Variants in RBFOX1 observed in about 807,000 individuals in gnomAD.
RBFOX1 encodes the protein RNA binding fox-1 homolog 1.
Under a neutral mutation model 57.7 loss-of-function variants are expected in RBFOX1, and 8 were observed. The observed-to-expected ratio is 0.14, with a 90% CI of 0.08 to 0.25. The LOEUF (loss-of-function observed/expected upper bound fraction) is 0.25, where lower values mean the gene tolerates loss of function less well. RBFOX1 is among the 10% of genes least tolerant of loss of function. The pLI is 1.00. For missense variants in RBFOX1, 611 were observed against 548.5 expected (o/e 1.11, Z -1.14); for synonymous variants, 326 against 222.4 (o/e 1.47, Z -4.15).
At chr16:6,021,083 C>G (rs1261846911) in intron 1 of RBFOX1, among the ~76,000 whole-genome samples, 1 of 152,220 alleles carries the variant, frequency 6.6e-6, no homozygotes. Context: ...GGGCAATTGG[C>G]ACCCCAAAGG....
chr16:6,984,631 CCTT>C (rs2089811516), intron 3 of RBFOX1, among the ~76,000 whole-genome samples: 1 of 152,058 alleles, frequency 6.6e-6, no homozygotes, highest in Admixed American at 6.6e-5. Flanking sequence ...TTACCACATG[CCTT>C]CTTTACTTAA....
chr16:7,173,294 A>G (rs2081057115), intron 4 of RBFOX1, among the ~76,000 whole-genome samples: 1 of 152,174 alleles, frequency 6.6e-6, no homozygotes, highest in Non-Finnish European at 1.5e-5. Flanking sequence ...GCATTTAGAA[A>G]CCATAATTTG....
intron 5 of RBFOX1, among the ~76,000 whole-genome samples, chr16:7,550,950 C>T (rs1221913175): frequency 7.3e-5 from 11 of 151,670 alleles, no homozygotes; most frequent in East Asian, 5.8e-4. Flanking sequence ...AAAAATTAGC[C>T]GGGCATGGTG....
intron 2 of RBFOX1, among the ~76,000 whole-genome samples, chr16:5,492,187 G>C (rs2042857702): frequency 1.3e-5 from 2 of 152,160 alleles, no homozygotes; most frequent in South Asian, 2.1e-4. Context: ...TAAGAACCCT[G>C]AACTACCTAC....
intron 3 of RBFOX1, among the ~76,000 whole-genome samples, chr16:5,641,861 G>C (rs1395365864): frequency 1.3e-5 from 2 of 152,298 alleles, no homozygotes; most frequent in Non-Finnish European, 2.9e-5. Flanking sequence ...GGGGCCATTT[G>C]AGTGGGGTTT....
rs753003961 is a variant in RBFOX1 at position 7,653,912 on chromosome 16, C to A, written c.855C>A (p.Ala285=). 8.9e-6 allele frequency: 14 copies of A among 1,575,706 alleles called. No individual in the cohort carries two copies. The highest frequency in any genetic ancestry group is 1.1e-5 in the Non-Finnish European group (13 of 1,167,146). Residue 285 remains alanine (A), a synonymous_variant, in exon 12 of 16, where the codon GCC becomes GCA. Coordinates refer to ENST00000550418, the MANE Select transcript of RBFOX1 (RefSeq NM_018723.4). ...GCACCGTGTACAACACCTTCAGGGC[C>A]GCGGCGCCCCCGCCCCCGATCCCGG... ...RGRTVYNTFR[A]AAPPPPIPAY...
chr16:5,518,148 C>G (rs947065426), intron 2 of RBFOX1, among the ~76,000 whole-genome samples: 1 of 152,152 alleles, frequency 6.6e-6, no homozygotes, highest in Non-Finnish European at 1.5e-5. Context: ...TAAATGCAAA[C>G]AGACCTAAAA....
At chr16:6,751,018 G>A (rs1245248403) in intron 3 of RBFOX1, among the ~76,000 whole-genome samples, 7 of 152,136 alleles carry the variant, frequency 4.6e-5, no homozygotes, top group Admixed American at 2.0e-4. Context: ...AACAGAAACA[G>A]CATGTTCAAG....
At chr16:5,645,101 A>C (rs985608955) in intron 3 of RBFOX1, among the ~76,000 whole-genome samples, 3 of 151,288 alleles carry the variant, frequency 2.0e-5, no homozygotes, top group Non-Finnish European at 4.4e-5. Context: ...AAAAATAAAA[A>C]TGTTGAGTGT....
At chr16:7,041,714 T>C (rs962036196) in intron 3 of RBFOX1, among the ~76,000 whole-genome samples, 4 of 152,188 alleles carry the variant, frequency 2.6e-5, no homozygotes, top group Non-Finnish European at 4.4e-5. Flanking sequence ...TTTAGCCAAA[T>C]TCACAAGGCC....
Position 6,137,409 on chromosome 16 carries a change from A to C in RBFOX1, c.-127+117417A>C, listed in dbSNP as rs188371796. 1.1e-4 allele frequency among the ~76,000 whole-genome samples: 17 copies of C among 152,092 alleles called. No homozygotes were observed. In the East Asian group the frequency reaches 3.1e-3, roughly 28 times the overall value. ...AGCTGCCTTCTCCCAGGTTCAAGTG[A>C]TTCTCCTGCCTCAGTTTCCTGAGTA... is the stretch of plus-strand genomic sequence containing the variant. On this transcript the variant is annotated intron_variant, in intron 1 of 15. Transcript: ENST00000550418.
At chr16:7,412,820 A>C (rs28378969) in intron 4 of RBFOX1, among the ~76,000 whole-genome samples, 16,939 of 152,214 alleles carry the variant, frequency 0.11, 1,083 homozygotes, top group African/African-American at 0.17. Flanking sequence ...AGGCAGGCGG[A>C]CTGCGAGGTC....
rs549656461 is a variant in RBFOX1 at position 6,311,570 on chromosome 16, T to A, written c.-126-5425T>A. ...GAAAGGTGGTGCTTTAACCCATGACTGTCCTTAGAAAAGCAACCACAGGTT... is the reference window on the plus strand; with the variant it reads ...GAAAGGTGGTGCTTTAACCCATGACAGTCCTTAGAAAAGCAACCACAGGTT... On this transcript the variant is annotated intron_variant, in intron 1 of 15. Coordinates refer to ENST00000550418, the MANE Select transcript of RBFOX1 (RefSeq NM_018723.4). 3.0e-4 allele frequency among the ~76,000 whole-genome samples: 46 copies of A among 152,288 alleles called. 1 individual carries two copies. The highest frequency in any genetic ancestry group is 2.3e-3 in the South Asian group (11 of 4,824).
At chr16:7,164,638 A>C (rs2079057442) in intron 4 of RBFOX1, among the ~76,000 whole-genome samples, 2 of 152,218 alleles carry the variant, frequency 1.3e-5, no homozygotes, top group South Asian at 4.1e-4. Flanking sequence ...CTGTGTATAC[A>C]CACACACAAA....
In RBFOX1 at chr16:6,135,554, A is replaced by C. The variant is rs113806983; in HGVS notation, c.-127+115562A>C. On this transcript the variant is annotated intron_variant, in intron 1 of 15. Transcript: ENST00000550418. The stretch of plus-strand genomic sequence containing the variant: ...TGTGAATATGGGGGGTATTCATTGG[A>C]TATTTGAATGAAAACATTGGTCTGT... Among the ~76,000 whole-genome samples, 540 of 152,210 alleles carry C rather than the reference A, an allele frequency of 3.5e-3. 3 individuals are homozygous for C. The highest frequency in any genetic ancestry group is 6.0e-3 in the Non-Finnish European group (409 of 68,020).
At position 7,504,775 on chromosome 16, in the gene RBFOX1, A is replaced by ATATATATTTATATATATATATATT. The variant is rs1567555067; in HGVS notation, c.28-13365_28-13364insTTATATATATATATATTTATATAT. Among the ~76,000 whole-genome samples the ATATATATTTATATATATATATATT allele has an allele frequency of 4.3e-3, 61 of 14,238 alleles. 3 individuals carry two copies. The highest frequency in any genetic ancestry group is 0.012 in the Non-Finnish European group (44 of 3,698). The allele number at this position is 14,238 out of a possible 152,430, so 9.3% of individuals were successfully genotyped here. ...TATATTTATATATATATATATTTATATATATATATATTTATATATATATAT... is the reference window on the plus strand; with the variant it reads ...TATATTTATATATATATATATTTATATATATATTTATATATATATATATTTATATATATATTTATATATATATAT... On this transcript the variant is annotated intron_variant, in intron 4 of 15. Transcript: ENST00000550418.
At chr16:7,393,838 A>G (rs1023796204) in intron 4 of RBFOX1, among the ~76,000 whole-genome samples, 2 of 152,156 alleles carry the variant, frequency 1.3e-5, no homozygotes, top group Non-Finnish European at 2.9e-5. Flanking sequence ...AAGTCCAAAC[A>G]TTCAGAGAAG....
chr16:6,242,099 T>G (rs2152927712), intron 1 of RBFOX1, among the ~76,000 whole-genome samples: 1 of 152,342 alleles, frequency 6.6e-6, no homozygotes, highest in South Asian at 2.1e-4. Flanking sequence ...TGGTTTTTAA[T>G]GTATCTTTGC....
At chr16:6,372,808 G>T (rs1187714589) in intron 2 of RBFOX1, among the ~76,000 whole-genome samples, 1 of 151,882 alleles carries the variant, frequency 6.6e-6, no homozygotes, top group Non-Finnish European at 1.5e-5. Context: ...AGATTGGGTG[G>T]AAGTATAACT....
Sources: gnomAD v4.1 joint callset for allele counts (sites outside exome capture counted in the v4.1 genomes callset) on GRCh38, gnomAD v4.1.1 for gene constraint, MANE v1.5 for transcripts, NCBI Gene and HGNC (gene_info 2026-07-23, HGNC 2026-07-21) for gene names.